Variants in GGACT observed in about 807,000 individuals in gnomAD.
The protein encoded by GGACT is gamma-glutamylamine cyclotransferase.
For synonymous variants in GGACT, 118 were observed against 115.3 expected (o/e 1.02, Z -0.15); for missense variants, 241 against 233.2 (o/e 1.03, Z -0.22).
intron 1 of GGACT, among the ~76,000 whole-genome samples, chr13:100,588,279 AG>A (rs1875641934): frequency 6.6e-6 from 1 of 152,246 alleles, no homozygotes; most frequent in Non-Finnish European, 1.5e-5. Context: ...CACAAGTGCC[AG>A]GAGACGTTTT....
intron 2 of GGACT, among the ~76,000 whole-genome samples, chr13:100,540,817 C>T (rs1245748548): frequency 1.3e-5 from 2 of 152,208 alleles, no homozygotes; most frequent in East Asian, 3.9e-4. Flanking sequence ...CTCTCAGAAC[C>T]GCAGCAGAAT....
intron 2 of GGACT, among the ~76,000 whole-genome samples, chr13:100,576,304 G>A (rs1330041372): frequency 6.6e-6 from 1 of 152,208 alleles, no homozygotes; most frequent in Non-Finnish European, 1.5e-5. Flanking sequence ...ATGAGATGCT[G>A]AGAAGGATGT....
At chr13:100,588,408 C>A (rs563113697) in intron 1 of GGACT, among the ~76,000 whole-genome samples, 8 of 152,364 alleles carry the variant, frequency 5.3e-5, no homozygotes, top group African/African-American at 1.9e-4. Context: ...AGCGTGTGGG[C>A]TGTCACGCTT....
chr13:100,578,374 G>A (rs530250967), intron 2 of GGACT, among the ~76,000 whole-genome samples: 8 of 152,384 alleles, frequency 5.2e-5, no homozygotes, highest in East Asian at 1.9e-4. Context: ...TCGCATTTGC[G>A]TAAGATATCT....
intron 2 of GGACT, among the ~76,000 whole-genome samples, chr13:100,565,484 T>C (rs1326564644): frequency 6.6e-6 from 1 of 152,188 alleles, no homozygotes; most frequent in African/African-American, 2.4e-5. Flanking sequence ...TGACACCAGG[T>C]GTTTGAAACG....
At chr13:100,578,366 G>T (rs1289779172) in intron 2 of GGACT, among the ~76,000 whole-genome samples, 1 of 152,224 alleles carries the variant, frequency 6.6e-6, no homozygotes, top group South Asian at 2.1e-4. Context: ...AGAATGTGTC[G>T]CATTTGCGTA....
intron 2 of GGACT, among the ~76,000 whole-genome samples, chr13:100,579,883 C>A (rs1293392738): frequency 2.0e-5 from 3 of 152,118 alleles, no homozygotes; most frequent in Non-Finnish European, 4.4e-5. Context: ...ACCCTTATGA[C>A]AGGGTAGAGA....
intron 2 of GGACT, among the ~76,000 whole-genome samples, 200 bp from the exon 3 acceptor site, chr13:100,532,801 C>T (rs996188123): frequency 2.0e-5 from 3 of 152,220 alleles, no homozygotes; most frequent in African/African-American, 4.8e-5. Flanking sequence ...TTTTGACTTT[C>T]GGCCATTTAA....
At chr13:100,577,850 G>A (rs550031910) in intron 2 of GGACT, among the ~76,000 whole-genome samples, 4 of 150,484 alleles carry the variant, frequency 2.7e-5, no homozygotes, top group African/African-American at 9.7e-5. Context: ...AGGAGGGAGG[G>A]CAGCAGGGAG....
At chr13:100,577,826 A>G (rs971671061) in intron 2 of GGACT, among the ~76,000 whole-genome samples, 1 of 152,012 alleles carries the variant, frequency 6.6e-6, no homozygotes, top group Non-Finnish European at 1.5e-5. Context: ...GGGAGGGATG[A>G]AGGGGAGAAG....
At chr13:100,580,505 C>T (rs1875383905) in intron 2 of GGACT, among the ~76,000 whole-genome samples, 1 of 152,220 alleles carries the variant, frequency 6.6e-6, no homozygotes. Flanking sequence ...GCAGCCCTGA[C>T]AGCACCTTGA....
At chr13:100,536,508 T>TG (rs1035241168) in intron 2 of GGACT, 3 of 145,052 alleles carry the variant, frequency 2.1e-5, no homozygotes, top group African/African-American at 8.2e-5. Flanking sequence ...TTGTTGTGTG[T>TG]TTTTTTTTTC....
At position 100,534,234 on chromosome 13, in the gene GGACT, T is replaced by C. The variant is rs1448936763; in HGVS notation, c.-10-1633A>G. Among the ~76,000 whole-genome samples the C allele has an allele frequency of 6.6e-6, 1 of 152,168 alleles. No individual in the cohort carries two copies. The highest frequency in any genetic ancestry group is 1.5e-5 in the Non-Finnish European group (1 of 68,016). ...AGTATTCCCCAGATTTCAGGCACAT[T>C]GCACTAGGAAAGGTGTGGCCGTGGG... is the stretch of plus-strand genomic sequence containing the variant. On this transcript the variant is annotated intron_variant, in intron 2 of 2. Transcript: ENST00000683975. This position sits in a 1 kb window ranked among gnomAD's most constrained non-coding sequence, Gnocchi z 4.9.
chr13:100,576,718 G>A (rs564028834), intron 2 of GGACT, among the ~76,000 whole-genome samples: 10 of 152,246 alleles, frequency 6.6e-5, no homozygotes, highest in African/African-American at 2.2e-4. Context: ...CACAACATAC[G>A]AAGATGAACA....
At chr13:100,576,594 G>A (rs1351971344) in intron 2 of GGACT, among the ~76,000 whole-genome samples, 2 of 152,228 alleles carry the variant, frequency 1.3e-5, no homozygotes, top group Non-Finnish European at 2.9e-5. Context: ...TCCAGACGAT[G>A]GCGATAAGAA....
intron 2 of GGACT, among the ~76,000 whole-genome samples, chr13:100,582,933 AT>A (rs1222931576): frequency 6.6e-6 from 1 of 152,196 alleles, no homozygotes; most frequent in Non-Finnish European, 1.5e-5. Flanking sequence ...GAATAGCTTA[AT>A]AAATAGCTGC....
In GGACT at chr13:100,545,073, C is replaced by T. The variant is rs973154739; in HGVS notation, c.-10-12472G>A. ...GAACACATGCTGGGCAGGCGGCCAG[C>T]GGCCCAACACTGGAGATGCCGTCAA... On this transcript the variant is annotated intron_variant, in intron 2 of 2. Transcript: ENST00000683975. The surrounding 1 kb of genome is among the most constrained non-coding windows in gnomAD (Gnocchi z 4.4). Among the ~76,000 whole-genome samples, 4 of 152,216 alleles carry T rather than the reference C, an allele frequency of 2.6e-5. No homozygotes were observed. The highest frequency in any genetic ancestry group is 5.9e-5 in the Non-Finnish European group (4 of 68,034).
At chr13:100,565,500 G>A (rs1233622759) in intron 2 of GGACT, among the ~76,000 whole-genome samples, 3 of 151,508 alleles carry the variant, frequency 2.0e-5, no homozygotes, top group African/African-American at 4.8e-5. Context: ...AAACGAGGTC[G>A]CTGCCTTGTA....
Position 100,532,038 on chromosome 13 carries a change from G to A in GGACT, c.*92C>T, listed in dbSNP as rs1158202051. 2 of 843,302 alleles carry A rather than the reference G, an allele frequency of 2.4e-6. No individual in the cohort carries two copies. Among genetic ancestry groups the A allele is most frequent in the Non-Finnish European group, 3.4e-6 (2 of 592,572 alleles). 52.2% of individuals were successfully genotyped at this position (843,302 alleles called of 1,614,324 possible). A position where few individuals can be genotyped will look rare whatever the true frequency, so the allele number is the denominator to read the frequency against. ...CTTTCCGGCAGATTCATTGGAAAGG[G>A]CCCTGTTCGGCTTCCGCCTTCACCC... On this transcript the variant is annotated 3_prime_UTR_variant, in exon 3 of 3. Coordinates refer to ENST00000683975, the MANE Select transcript of GGACT (RefSeq NM_001195087.2).
Sources: allele counts gnomAD v4.1 joint callset (sites outside exome capture counted in the v4.1 genomes callset), GRCh38; gene constraint gnomAD v4.1.1; non-coding constraint Gnocchi (gnomAD v3.1); transcripts MANE v1.5; gene names NCBI Gene and HGNC (gene_info 2026-07-23, HGNC 2026-07-21).